ZBTB40: variants seen among roughly 807,000 people sequenced by gnomAD.
ZBTB40 encodes zinc finger and BTB domain containing 40, also known as zinc finger and BTB domain-containing protein 40.
ZBTB40 carries 60 observed loss-of-function variants against 117.5 expected under a neutral mutation model. That is an observed-to-expected ratio of 0.51 (90% CI 0.41 to 0.63). The LOEUF (loss-of-function observed/expected upper bound fraction) is 0.63, where lower values mean the gene tolerates loss of function less well. ZBTB40 is among the 30% of genes least tolerant of loss of function. ZBTB40 has a pLI of 0.00. For missense variants in ZBTB40, 1,287 were observed against 1,498.5 expected, an observed-to-expected ratio of 0.86 and a Z score of 2.33; for synonymous variants, 525 against 577.1, an observed-to-expected ratio of 0.91 and a Z score of 1.29.
intron 1 of ZBTB40, among the ~76,000 whole-genome samples, chr1:22,468,516 C>T (rs1391309182): frequency 5.0e-5 from 5 of 100,146 alleles, no homozygotes; most frequent in African/African-American, 7.9e-5. Flanking sequence ...CGCTCTGTTG[C>T]GTATGCTGGA....
intron 12 of ZBTB40, among the ~76,000 whole-genome samples, chr1:22,516,165 G>T (rs1307137193): frequency 6.6e-6 from 1 of 152,198 alleles, no homozygotes; most frequent in Non-Finnish European, 1.5e-5. Flanking sequence ...TGAGATGGGG[G>T]AGTGTGTGGA....
intron 1 of ZBTB40, among the ~76,000 whole-genome samples, chr1:22,472,231 T>C (rs1215545748): frequency 2.6e-5 from 4 of 151,898 alleles, no homozygotes; most frequent in Middle Eastern, 3.4e-3. Context: ...GGCTGGAGTC[T>C]GGAGTACACT....
intron 1 of ZBTB40, among the ~76,000 whole-genome samples, chr1:22,487,494 A>G (rs915664484): frequency 3.9e-5 from 6 of 152,136 alleles, no homozygotes; most frequent in Non-Finnish European, 8.8e-5. Flanking sequence ...CTGTTCTTGT[A>G]TTATCTGGAT....
intron 1 of ZBTB40, among the ~76,000 whole-genome samples, chr1:22,434,046 T>G (rs1178989583): frequency 6.6e-6 from 1 of 152,150 alleles, no homozygotes; most frequent in East Asian, 1.9e-4. Flanking sequence ...TTAATCTGCA[T>G]AGGGATCGTA....
At chr1:22,478,279 G>T (rs1050378797) in intron 1 of ZBTB40, among the ~76,000 whole-genome samples, 1 of 151,600 alleles carries the variant, frequency 6.6e-6, no homozygotes, top group African/African-American at 2.4e-5. Flanking sequence ...ACGGAGTCTC[G>T]CTCTGTCGCT....
At chr1:22,444,531 C>T (rs943570182) in intron 1 of ZBTB40, among the ~76,000 whole-genome samples, 45 of 152,274 alleles carry the variant, frequency 3.0e-4, no homozygotes, top group Admixed American at 1.5e-3. Flanking sequence ...AGGAGTTGGG[C>T]GAGTGGGTTC....
intron 3 of ZBTB40, among the ~76,000 whole-genome samples, chr1:22,492,140 G>A (rs186077821): frequency 5.9e-5 from 9 of 152,308 alleles, no homozygotes; most frequent in African/African-American, 1.7e-4. Flanking sequence ...AAGAGGTGGT[G>A]TAATTTGGCG....
At position 22,508,585 on chromosome 1, in the gene ZBTB40, T is replaced by C; in HGVS notation, c.1553T>C (p.Ile518Thr). 4 of 1,614,230 alleles carry C rather than the reference T, an allele frequency of 2.5e-6. No homozygotes were observed. Among genetic ancestry groups the C allele is most frequent in the Non-Finnish European group, 2.5e-6 (3 of 1,180,052 alleles). Reference protein sequence around the residue: ...DSGSGGFNSLISAVLEKQTLS... With the variant: ...DSGSGGFNSLTSAVLEKQTLS... ...GGTTCAGGTGGTTTCAATTCTCTGA[T>C]ATCAGCAGTTCTAGAAAAGCAGACT... The change falls in exon 8 of 18, where the codon ATA becomes ACA. Residue 518 changes from isoleucine (I) to threonine (T), a missense_variant. This residue lies in a region of ZBTB40 where 870 missense variants were observed against 934.4 expected (regional missense o/e 0.93). Transcript: ENST00000375647.
chr1:22,478,257 CT>C (rs1310232335), intron 1 of ZBTB40, among the ~76,000 whole-genome samples: 3 of 149,954 alleles, frequency 2.0e-5, no homozygotes, highest in Non-Finnish European at 4.5e-5. Context: ...TTTTTTTTTT[CT>C]TTTTTTTGAG....
upstream of ZBTB40, among the ~76,000 whole-genome samples, chr1:22,450,847 T>A (rs1334924081): frequency 6.6e-6 from 1 of 152,008 alleles, no homozygotes; most frequent in East Asian, 1.9e-4. Flanking sequence ...ATGGAAAAGG[T>A]ATAACCACAG....
chr1:22,446,288 A>C (rs570757816), intron 1 of ZBTB40, among the ~76,000 whole-genome samples: 16 of 152,190 alleles, frequency 1.1e-4, no homozygotes, highest in African/African-American at 3.6e-4. Context: ...CTGTGAGACA[A>C]CTGCAAAAGG....
intron 3 of ZBTB40, among the ~76,000 whole-genome samples, chr1:22,497,371 CA>C (rs1166081613): frequency 1.3e-5 from 2 of 152,136 alleles, no homozygotes; most frequent in Non-Finnish European, 2.9e-5. Context: ...TTGTCAAATG[CA>C]GATCTGTGTT....
chr1:22,483,093 A>AAG (rs59704667), intron 1 of ZBTB40, among the ~76,000 whole-genome samples: 2 of 151,526 alleles, frequency 1.3e-5, no homozygotes, highest in East Asian at 3.9e-4. Context: ...AAAAAAAAAA[A>AAG]GAAATATGCA....
At chr1:22,495,967 G>A (rs1638763037) in intron 3 of ZBTB40, among the ~76,000 whole-genome samples, 1 of 152,204 alleles carries the variant, frequency 6.6e-6, no homozygotes, top group Non-Finnish European at 1.5e-5. Flanking sequence ...TAAAGGCAAG[G>A]TAGGGGTTGG....
At chr1:22,434,973 G>T (rs548873983) in intron 1 of ZBTB40, among the ~76,000 whole-genome samples, 1 of 151,742 alleles carries the variant, frequency 6.6e-6, no homozygotes, top group Admixed American at 6.5e-5. Context: ...TCAAGAAATG[G>T]TATGTGTTTC....
At position 22,442,563 on chromosome 1, in the gene ZBTB40, A is replaced by G. The variant is rs1473365410; in HGVS notation, c.-70+13549A>G. On this transcript the variant is annotated intron_variant, in intron 1 of 8. Coordinates refer to the ZBTB40 transcript ENST00000650433. ...TCATCTTGAGAACTGCTTACAATAT[A>G]GGAATTTATAAGAGGGTGTAACTTA... 2.6e-5 allele frequency among the ~76,000 whole-genome samples: 4 copies of G among 152,206 alleles called. No individual in the cohort carries two copies. In the East Asian group the frequency reaches 7.7e-4, roughly 29 times the overall value.
At position 22,506,242 on chromosome 1, in the gene ZBTB40, G is replaced by GTAT. The variant is rs753347446; in HGVS notation, c.1360+4_1360+6dup. On this transcript the variant is annotated splice_donor_variant, in intron 6 of 17. Transcript: ENST00000375647. LOFTEE classifies it high-confidence loss of function. Reference sequence around the variant, plus strand: ...TCAGCCACTTTGCCAAGCACCACAGGTATTAGTAAATTGTTGACTCTCTGG... The same window carrying GTAT: ...TCAGCCACTTTGCCAAGCACCACAGGTATTATTAGTAAATTGTTGACTCTCTGG... 6.2e-7 allele frequency: 1 copy of GTAT among 1,614,042 alleles called. No individual in the cohort carries two copies. Among genetic ancestry groups the GTAT allele is most frequent in the Non-Finnish European group, 8.5e-7 (1 of 1,179,974 alleles).
intron 1 of ZBTB40, among the ~76,000 whole-genome samples, chr1:22,458,811 G>C (rs1641065341): frequency 6.6e-6 from 1 of 152,138 alleles, no homozygotes; most frequent in African/African-American, 2.4e-5. Context: ...GGCTGGTCTT[G>C]AACTCCTGGC....
At chr1:22,461,463 C>A (rs1463668217) in intron 1 of ZBTB40, among the ~76,000 whole-genome samples, 1 of 152,016 alleles carries the variant, frequency 6.6e-6, no homozygotes, top group Non-Finnish European at 1.5e-5. Flanking sequence ...AGAAGTTATC[C>A]TCTTTTACGT....
Sources: allele counts gnomAD v4.1 joint callset (sites outside exome capture counted in the v4.1 genomes callset), GRCh38; gene constraint gnomAD v4.1.1; regional missense constraint gnomAD v4.1.1; transcripts MANE v1.5; gene names NCBI Gene and HGNC (gene_info 2026-07-23, HGNC 2026-07-21).